ERBB4: variants seen among roughly 807,000 people sequenced by gnomAD.
The protein encoded by ERBB4 is erb-b2 receptor tyrosine kinase 4.
ERBB4 carries 42 observed loss-of-function variants against 158.0 expected under a neutral mutation model. The observed-to-expected ratio is 0.27, with a 90% CI of 0.21 to 0.34. The LOEUF (loss-of-function observed/expected upper bound fraction) is 0.34, where lower values mean the gene tolerates loss of function less well. Among genes scored for constraint, ERBB4 ranks in the 10% least tolerant of loss-of-function variants. The probability of loss-of-function intolerance (pLI) is 1.00; values close to 1 mark genes in which losing one functional copy is unlikely to be tolerated. For synonymous variants in ERBB4, 583 were observed against 558.7 expected (o/e 1.04, Z -0.61); for missense variants, 1,333 against 1,624.1 (o/e 0.82, Z 3.08).
At chr2:212,112,846 T>C (rs2079453880) in intron 2 of ERBB4, among the ~76,000 whole-genome samples, 1 of 152,186 alleles carries the variant, frequency 6.6e-6, no homozygotes, top group South Asian at 2.1e-4. Flanking sequence ...TTTCTTTTTA[T>C]TACAAAGATT....
chr2:211,729,497 TA>T (rs778651567), intron 5 of ERBB4, among the ~76,000 whole-genome samples: 81 of 151,496 alleles, frequency 5.3e-4, no homozygotes, highest in Middle Eastern at 6.8e-3. Flanking sequence ...GTAATGGGGT[TA>T]AAAAAAATAT....
chr2:212,326,230 A>G (rs555467637), intron 1 of ERBB4, among the ~76,000 whole-genome samples: 3 of 150,966 alleles, frequency 2.0e-5, no homozygotes, highest in South Asian at 4.2e-4. Flanking sequence ...TTTAAATAAC[A>G]TGATTCCTAC....
At chr2:211,457,664 C>A (rs1321376688) in intron 20 of ERBB4, among the ~76,000 whole-genome samples, 1 of 152,130 alleles carries the variant, frequency 6.6e-6, no homozygotes, top group Non-Finnish European at 1.5e-5. Flanking sequence ...ATCATGCATG[C>A]CTAACCCACA....
At chr2:211,392,947 G>A (rs1274075663) in intron 25 of ERBB4, among the ~76,000 whole-genome samples, 5 of 152,024 alleles carry the variant, frequency 3.3e-5, no homozygotes, top group Admixed American at 6.6e-5. Context: ...GAGCCACCGC[G>A]CCCGGCTGGC....
chr2:211,725,992 C>T (rs1034785498), intron 5 of ERBB4, among the ~76,000 whole-genome samples: 2 of 152,050 alleles, frequency 1.3e-5, no homozygotes, highest in Admixed American at 6.6e-5. Context: ...AAAAGCAATA[C>T]GAAAGGCTAT....
chr2:211,568,296 A>C lies in ERBB4; in HGVS notation c.2302-6208T>G, dbSNP rs16846470. 9.9e-3 allele frequency among the ~76,000 whole-genome samples: 1,501 copies of C among 152,222 alleles called. 27 individuals are homozygous for C. The highest frequency in any genetic ancestry group is 0.034 in the African/African-American group (1,420 of 41,558). On this transcript the variant is annotated intron_variant, in intron 19 of 27. Coordinates refer to ENST00000342788, the MANE Select transcript of ERBB4 (RefSeq NM_005235.3). ...TTTTTAAAAAAACCATCAAGGGACT[A>C]CTGAGGTATAGATTAAAAAGCTCTG...
At chr2:211,432,426 C>T (rs748031270) in intron 20 of ERBB4, among the ~76,000 whole-genome samples, 11 of 152,176 alleles carry the variant, frequency 7.2e-5, no homozygotes, top group Non-Finnish European at 1.5e-4. Context: ...ATGGTCTAAT[C>T]AGTCAACAGT....
intron 20 of ERBB4, among the ~76,000 whole-genome samples, chr2:211,472,712 G>C (rs1423508236): frequency 1.3e-5 from 2 of 151,768 alleles, no homozygotes; most frequent in Admixed American, 1.3e-4. Flanking sequence ...CCTCCTGTAT[G>C]TACTCCATGT....
intron 2 of ERBB4, among the ~76,000 whole-genome samples, chr2:212,066,595 T>A (rs1237163035): frequency 6.6e-6 from 1 of 152,048 alleles, no homozygotes; most frequent in East Asian, 1.9e-4. Flanking sequence ...TATGTTTTAG[T>A]GTAAATGCTA....
intron 20 of ERBB4, among the ~76,000 whole-genome samples, chr2:211,513,446 T>G (rs1433250400): frequency 6.6e-6 from 1 of 151,906 alleles, no homozygotes; most frequent in Non-Finnish European, 1.5e-5. Flanking sequence ...GGGAAGTATT[T>G]GTGTTGTGAT....
At chr2:211,714,224 T>A (rs552252792) in intron 7 of ERBB4, among the ~76,000 whole-genome samples, 1 of 152,342 alleles carries the variant, frequency 6.6e-6, no homozygotes, top group East Asian at 1.9e-4. Context: ...TACCCAATAC[T>A]TGGATTAAAT....
intron 2 of ERBB4, among the ~76,000 whole-genome samples, chr2:212,007,294 T>C: frequency 6.6e-6 from 1 of 152,004 alleles, no homozygotes; most frequent in East Asian, 1.9e-4. Context: ...AGGAAGATAT[T>C]TGTGCTATAT....
chr2:212,319,489 T>G (rs1215189177), intron 1 of ERBB4, among the ~76,000 whole-genome samples: 1 of 150,564 alleles, frequency 6.6e-6, no homozygotes, highest in Non-Finnish European at 1.5e-5. Context: ...CAAGTCAGTT[T>G]AATATGTAAC....
At chr2:212,169,173 A>T (rs1263413506) in intron 1 of ERBB4, among the ~76,000 whole-genome samples, 2 of 152,122 alleles carry the variant, frequency 1.3e-5, no homozygotes, top group Admixed American at 1.3e-4. Context: ...TTTGAAATTT[A>T]TTCTATAGAA....
At chr2:211,413,611 A>G (rs2125385151) in intron 25 of ERBB4, among the ~76,000 whole-genome samples, 1 of 152,180 alleles carries the variant, frequency 6.6e-6, no homozygotes, top group East Asian at 1.9e-4. Flanking sequence ...TCATCACAAA[A>G]TTCTCGCACT....
At chr2:211,865,643 G>A (rs1251794979) in intron 3 of ERBB4, among the ~76,000 whole-genome samples, 1 of 151,954 alleles carries the variant, frequency 6.6e-6, no homozygotes, top group African/African-American at 2.4e-5. Flanking sequence ...CTACTTGAAT[G>A]TCTGTTGGGA....
intron 20 of ERBB4, among the ~76,000 whole-genome samples, chr2:211,544,180 G>A (rs2371312): frequency 0.29 from 43,735 of 151,932 alleles, 7,480 homozygotes; most frequent in East Asian, 0.61. Context: ...TACAAGAGCA[G>A]CTGTGACTAA....
At position 211,560,262 on chromosome 2, in the gene ERBB4, C is replaced by CTTTTTTTTTTTTTTTTTTTTTT. The variant is rs769707072; in HGVS notation, c.2487+1619_2487+1640dup. Reference sequence around the variant, plus strand: ...CAGCACTAACAAATTTGAAGCTTAGCTTTTTTTTTTTTTTTTTTTTTTTTT... The same window carrying CTTTTTTTTTTTTTTTTTTTTTT: ...CAGCACTAACAAATTTGAAGCTTAGCTTTTTTTTTTTTTTTTTTTTTTTTTTTTTTTTTTTTTTTTTTTTTTT... On this transcript the variant is annotated intron_variant, in intron 20 of 27. Coordinates refer to ENST00000342788, the MANE Select transcript of ERBB4 (RefSeq NM_005235.3). Among the ~76,000 whole-genome samples the CTTTTTTTTTTTTTTTTTTTTTT allele has an allele frequency of 4.1e-4, 19 of 46,312 alleles. 5 individuals are homozygous for CTTTTTTTTTTTTTTTTTTTTTT. Among genetic ancestry groups the CTTTTTTTTTTTTTTTTTTTTTT allele is most frequent in the African/African-American group, 1.3e-3 (14 of 10,454 alleles). 30.4% of individuals were successfully genotyped at this position (46,312 alleles called of 152,430 possible). A position where few individuals can be genotyped will look rare whatever the true frequency, so the allele number is the denominator to read the frequency against.
intron 1 of ERBB4, among the ~76,000 whole-genome samples, chr2:212,327,438 A>ATACT (rs1220687775): frequency 6.6e-6 from 1 of 151,944 alleles, no homozygotes; most frequent in Non-Finnish European, 1.5e-5. Flanking sequence ...GAGACTAAGG[A>ATACT]TACTCTTGGA....
Sources: gnomAD v4.1 joint callset for allele counts (sites outside exome capture counted in the v4.1 genomes callset) on GRCh38, gnomAD v4.1.1 for gene constraint, MANE v1.5 for transcripts, NCBI Gene and HGNC (gene_info 2026-07-23, HGNC 2026-07-21) for gene names.